Variants in MECOM observed in about 807,000 individuals in gnomAD.
The protein encoded by MECOM is MDS1 and EVI1 complex locus.
In MECOM, 13 loss-of-function variants were observed where a neutral mutation model predicts 116.3. The ratio of observed to expected loss-of-function variants is 0.11; its 90% confidence interval spans 0.07 to 0.18. The LOEUF (loss-of-function observed/expected upper bound fraction) is 0.18. Ranked by LOEUF, MECOM falls within the 10% of genes least tolerant of loss-of-function variation. The pLI is 1.00. For synonymous variants in MECOM, 528 were observed against 535.2 expected (o/e 0.99, Z 0.19); for missense variants, 1,299 against 1,509.0 (o/e 0.86, Z 2.31).
chr3:169,633,929 A>G (rs1772408063), intron 1 of MECOM, among the ~76,000 whole-genome samples: 2 of 150,892 alleles, frequency 1.3e-5, no homozygotes, highest in South Asian at 4.2e-4. Flanking sequence ...CAAAAAACAA[A>G]CAGGCGACAG....
intron 5 of MECOM, among the ~76,000 whole-genome samples, chr3:169,123,834 A>G (rs1469569771): frequency 3.3e-5 from 5 of 152,096 alleles, no homozygotes; most frequent in Non-Finnish European, 7.4e-5. Flanking sequence ...CATCAATAAG[A>G]ACAGCAACTC....
intron 2 of MECOM, among the ~76,000 whole-genome samples, chr3:169,380,354 C>A (rs1577924060): frequency 6.6e-6 from 1 of 151,954 alleles, no homozygotes; most frequent in East Asian, 1.9e-4. Flanking sequence ...TGTAATGATT[C>A]AAGCACAAAA....
chr3:169,295,070 T>A (rs1285042075), intron 2 of MECOM, among the ~76,000 whole-genome samples: 2 of 152,198 alleles, frequency 1.3e-5, no homozygotes, highest in Admixed American at 1.3e-4. Context: ...ATATGTGCAT[T>A]ATAATTGAGA....
intron 3 of MECOM, among the ~76,000 whole-genome samples, chr3:169,141,626 A>G (rs1359099608): frequency 6.6e-6 from 1 of 151,998 alleles, no homozygotes; most frequent in African/African-American, 2.4e-5. Context: ...TAGAATATTC[A>G]TATGTGCTTA....
chr3:169,296,857 A>G (rs1477605869), intron 2 of MECOM, among the ~76,000 whole-genome samples: 1 of 152,222 alleles, frequency 6.6e-6, no homozygotes, highest in African/African-American at 2.4e-5. Flanking sequence ...TAAGCATGCA[A>G]AGAGCATATC....
chr3:169,146,409 C>A, intron 2 of MECOM: 2 of 1,394,952 alleles, frequency 1.4e-6, no homozygotes, highest in East Asian at 6.8e-5. Flanking sequence ...GACAGAGACA[C>A]ACGGAGGGAG....
At chr3:169,196,416 A>G (rs974697775) in intron 2 of MECOM, among the ~76,000 whole-genome samples, 1 of 152,110 alleles carries the variant, frequency 6.6e-6, no homozygotes, top group Non-Finnish European at 1.5e-5. Flanking sequence ...ACACACACAT[A>G]CACGTCTCAC....
At chr3:169,635,587 G>C (rs1231735414) in intron 1 of MECOM, among the ~76,000 whole-genome samples, 2 of 152,214 alleles carry the variant, frequency 1.3e-5, no homozygotes, top group East Asian at 3.8e-4. Context: ...TATCAAAAGT[G>C]AATCCATCTT....
intron 1 of MECOM, among the ~76,000 whole-genome samples, chr3:169,565,466 T>C (rs1352345644): frequency 2.0e-5 from 3 of 152,178 alleles, no homozygotes; most frequent in Admixed American, 6.5e-5. Context: ...TGGACATCTG[T>C]CTGGGTTTGC....
chr3:169,561,423 C>T (rs1049638898), intron 1 of MECOM, among the ~76,000 whole-genome samples: 1 of 151,928 alleles, frequency 6.6e-6, no homozygotes, highest in Admixed American at 6.6e-5. Flanking sequence ...AGAATTTGAC[C>T]TATATGGAAC....
chr3:169,201,900 T>C (rs1749200412), intron 2 of MECOM, among the ~76,000 whole-genome samples: 1 of 152,166 alleles, frequency 6.6e-6, no homozygotes, highest in Admixed American at 6.6e-5. Context: ...TGGATTTTTC[T>C]TTCCTTCTTC....
chr3:169,564,541 C>T (rs1310598328), intron 1 of MECOM, among the ~76,000 whole-genome samples: 2 of 152,154 alleles, frequency 1.3e-5, no homozygotes, highest in Non-Finnish European at 2.9e-5. Flanking sequence ...ATCCAGGTTT[C>T]CACAGCAGGT....
chr3:169,376,745 C>T (rs1461896950), intron 2 of MECOM, among the ~76,000 whole-genome samples: 1 of 152,066 alleles, frequency 6.6e-6, no homozygotes, highest in Non-Finnish European at 1.5e-5. Flanking sequence ...TGAAATTGGC[C>T]ATACTGCTCA....
intron 1 of MECOM, among the ~76,000 whole-genome samples, chr3:169,501,294 T>C (rs1453151408): frequency 1.3e-5 from 2 of 152,012 alleles, no homozygotes; most frequent in Non-Finnish European, 2.9e-5. Flanking sequence ...TCCCATTTCC[T>C]ATATCTCATA....
At chr3:169,407,753 T>C (rs900973044) in intron 1 of MECOM, among the ~76,000 whole-genome samples, 2 of 152,218 alleles carry the variant, frequency 1.3e-5, no homozygotes, top group Non-Finnish European at 2.9e-5. Context: ...TATGGAAACA[T>C]TTACCTATCT....
chr3:169,633,525 A>G (rs192800559), intron 1 of MECOM, among the ~76,000 whole-genome samples: 37 of 152,302 alleles, frequency 2.4e-4, no homozygotes, highest in African/African-American at 8.7e-4. Flanking sequence ...AGGTTCTTGG[A>G]GGGTGTGGGC....
intron 1 of MECOM, among the ~76,000 whole-genome samples, chr3:169,578,017 T>A (rs547631571): frequency 6.6e-6 from 1 of 152,144 alleles, no homozygotes; most frequent in South Asian, 2.1e-4. Flanking sequence ...ACAATCAGAG[T>A]TGATGCTTCG....
chr3:169,406,911 G>C (rs899148048), intron 1 of MECOM, among the ~76,000 whole-genome samples: 1 of 150,140 alleles, frequency 6.7e-6, no homozygotes, highest in African/African-American at 2.5e-5. Flanking sequence ...ATGCAATCTC[G>C]GTTCACTGCA....
intron 8 of MECOM, among the ~76,000 whole-genome samples, chr3:169,114,566 A>T (rs1728515771): frequency 6.6e-6 from 1 of 152,156 alleles, no homozygotes; most frequent in Admixed American, 6.6e-5. Flanking sequence ...AATTATCCAG[A>T]TGTTCCATGA....
Sources: allele counts gnomAD v4.1 joint callset (sites outside exome capture counted in the v4.1 genomes callset), GRCh38; gene constraint gnomAD v4.1.1; transcripts MANE v1.5; gene names NCBI Gene and HGNC (gene_info 2026-07-23, HGNC 2026-07-21).